KIR3DL2: variants seen among roughly 807,000 people sequenced by gnomAD.
KIR3DL2 encodes the protein killer cell immunoglobulin like receptor, three Ig domains and long cytoplasmic tail 2.
Under a neutral mutation model 41.6 loss-of-function variants are expected in KIR3DL2, and 42 were observed. That is an observed-to-expected ratio of 1.01 (90% CI 0.79 to 1.31). The LOEUF (loss-of-function observed/expected upper bound fraction) is 1.31. Among genes scored for constraint, KIR3DL2 ranks in the 50% most tolerant of loss-of-function variants. The probability of loss-of-function intolerance (pLI) is 0.00; values close to 1 mark genes in which losing one functional copy is unlikely to be tolerated. For synonymous variants in KIR3DL2, 230 were observed against 221.3 expected (o/e 1.04, Z -0.35); for missense variants, 728 against 576.8 (o/e 1.26, Z -2.68).
At chr19:54,858,831 G>C (rs1307713028) in intron 5 of KIR3DL2, among the ~76,000 whole-genome samples, 18 of 152,014 alleles carry the variant, frequency 1.2e-4, no homozygotes, top group Non-Finnish European at 1.5e-4. Flanking sequence ...ATGTCATGCT[G>C]TTTTGCTTAC....
chr19:54,859,692 A>G (rs2065036843), intron 6 of KIR3DL2, among the ~76,000 whole-genome samples: 1 of 151,730 alleles, frequency 6.6e-6, no homozygotes, highest in South Asian at 2.1e-4. Flanking sequence ...AAATTTCCAC[A>G]AGATTCGTGT....
intron 6 of KIR3DL2, among the ~76,000 whole-genome samples, chr19:54,861,603 C>T (rs1209967913): frequency 1.3e-5 from 2 of 149,308 alleles, no homozygotes; most frequent in East Asian, 2.0e-4. Context: ...GAGTGGAGAT[C>T]GCATCACTGC....
rs367723601 is a variant in KIR3DL2 at position 54,856,554 on chromosome 19, T to G, written c.949+642T>G. 4.6e-5 allele frequency among the ~76,000 whole-genome samples: 7 copies of G among 151,986 alleles called. No individual in the cohort carries two copies. The East Asian group carries it at 1.2e-3, about 25-fold the overall frequency. ...GAAAAATTAGCCAAGCATGCCGGCA[T>G]GCACCTGTAGTCCTAGCTACTTGGG... On this transcript the variant is annotated intron_variant, in intron 5 of 8. Coordinates refer to ENST00000326321, the MANE Select transcript of KIR3DL2 (RefSeq NM_006737.4).
In KIR3DL2 at chr19:54,859,834, C is replaced by T. The variant is rs1448613950; in HGVS notation, c.1000+705C>T. ...GAGGGTTCCAGGCAAGAATCTGCTT[C>T]TCACTTTTCTCAGCTTCTAGAGGCT... On this transcript the variant is annotated intron_variant, in intron 6 of 8. Transcript: ENST00000326321. 1.4e-4 allele frequency among the ~76,000 whole-genome samples: 22 copies of T among 152,190 alleles called. No individual in the cohort carries two copies. In the East Asian group the frequency reaches 4.0e-3, roughly 28 times the overall value.
Position 54,864,833 on chromosome 19 carries a change from A to T in KIR3DL2, c.1001-972A>T, listed in dbSNP as rs200592390. On this transcript the variant is annotated intron_variant, in intron 6 of 8. Coordinates refer to ENST00000326321, the MANE Select transcript of KIR3DL2 (RefSeq NM_006737.4). ...GACAATTTGACTTCCTCTTTTCCTA[A>T]TTGAATACCCTTTATTTCCTTCTCC... Among the ~76,000 whole-genome samples the T allele has an allele frequency of 9.0e-4, 136 of 151,766 alleles. 1 individual carries two copies. In the East Asian group the frequency reaches 0.025, roughly 28 times the overall value.
At chr19:54,861,323 G>C (rs1343858837) in intron 6 of KIR3DL2, among the ~76,000 whole-genome samples, 43 of 152,046 alleles carry the variant, frequency 2.8e-4, no homozygotes, top group African/African-American at 9.9e-4. Context: ...GCTAGATGAG[G>C]GGTGGTGCAA....
At chr19:54,854,085 C>G in intron 4 of KIR3DL2, 39 bp downstream of exon 4, 5 of 1,591,102 alleles carry the variant, frequency 3.1e-6, no homozygotes, top group Non-Finnish European at 4.3e-6. Flanking sequence ...GTCATTGGGA[C>G]ACAGAGTGAA....
intron 5 of KIR3DL2, among the ~76,000 whole-genome samples, chr19:54,857,758 G>A (rs1355163550): frequency 2.0e-5 from 3 of 151,616 alleles, no homozygotes; most frequent in African/African-American, 7.3e-5. Flanking sequence ...CTCCATGTTG[G>A]TCAGGCTGGT....
At chr19:54,857,809 G>C (rs1221601199) in intron 5 of KIR3DL2, among the ~76,000 whole-genome samples, 4 of 151,840 alleles carry the variant, frequency 2.6e-5, no homozygotes, top group Admixed American at 1.3e-4. Context: ...GCCTCCCAAA[G>C]TGCTGGAATT....
chr19:54,854,797 A>G (rs1477157975), intron 4 of KIR3DL2, among the ~76,000 whole-genome samples: 4 of 151,800 alleles, frequency 2.6e-5, no homozygotes, highest in African/African-American at 9.7e-5. Flanking sequence ...GGAAGGGAGG[A>G]GAGAAAAGCC....
intron 1 of KIR3DL2, 128 bp from the exon 2 acceptor site, chr19:54,851,092 T>C (rs1369510272): frequency 1.7e-6 from 2 of 1,172,818 alleles, no homozygotes; most frequent in East Asian, 2.4e-5. Flanking sequence ...TGGCAGCAGG[T>C]AGCAGGGAGG....
chr19:54,855,833 C>G lies in KIR3DL2; in HGVS notation c.870C>G (p.Thr290=). 6.2e-7 allele frequency: 1 copy of G among 1,613,570 alleles called. No individual in the cohort carries two copies. Among genetic ancestry groups the G allele is most frequent in the Non-Finnish European group, 8.5e-7 (1 of 1,179,950 alleles). The change falls in exon 5 of 9, where the codon ACC becomes ACG. Residue 290 remains threonine, a synonymous_variant. Transcript: ENST00000326321. ...TGGGCCCTGCCACCCACGGAGGGAC[C>G]TACAGATGCTTCGGCTCTTTCCGTG... ...FPLGPATHGG[T]YRCFGSFRAL...
At chr19:54,851,333 G>C (rs780683096) in intron 2 of KIR3DL2, 78 bp downstream of exon 2, 2 of 1,491,154 alleles carry the variant, frequency 1.3e-6, no homozygotes, top group Non-Finnish European at 1.8e-6. Context: ...AAGTCCTGTC[G>C]GGGAGTCTCT....
At position 54,866,774 on chromosome 19, in the gene KIR3DL2, T is replaced by C. The variant is rs375570365; in HGVS notation, c.*43T>C. 3.4e-5 allele frequency: 54 copies of C among 1,595,736 alleles called. No homozygotes were observed. The highest frequency in any genetic ancestry group is 4.0e-5 in the African/African-American group (3 of 74,190). ...CTCAAAACCAGGTTGCCAGATCCAA[T>C]GAACCAGCAGCTGGAATCTGAAGGC... is the stretch of plus-strand genomic sequence containing the variant. On this transcript the variant is annotated 3_prime_UTR_variant, in exon 9 of 9. Transcript: ENST00000326321.
At chr19:54,861,221 AT>A (rs59734064) in intron 6 of KIR3DL2, among the ~76,000 whole-genome samples, 16 of 147,940 alleles carry the variant, frequency 1.1e-4, no homozygotes, top group African/African-American at 2.2e-4. Flanking sequence ...GCTGGGTTTA[AT>A]TTTTCCTGGT....
intron 3 of KIR3DL2, among the ~76,000 whole-genome samples, chr19:54,853,075 A>C (rs2064424760): frequency 6.6e-6 from 1 of 151,210 alleles, no homozygotes; most frequent in South Asian, 2.1e-4. Context: ...ACACCACTGC[A>C]CTCCAGCCTG....
chr19:54,866,575 C>T lies in KIR3DL2; in HGVS notation c.1212C>T (p.Cys404=), dbSNP rs147166894. Residue 404 remains cysteine (C), a synonymous_variant, in exon 9 of 9, where the codon TGC becomes TGT. Coordinates refer to ENST00000326321, the MANE Select transcript of KIR3DL2 (RefSeq NM_006737.4). The part of the protein sequence containing the change: ...QEVTYAQLDH[C]VFIQRKISRP... ...TGACGTACGCACAGTTGGATCACTGCGTTTTCATACAGAGAAAAATCAGTC... is the reference window on the plus strand; with the variant it reads ...TGACGTACGCACAGTTGGATCACTGTGTTTTCATACAGAGAAAAATCAGTC... 1.2e-4 allele frequency: 194 copies of T among 1,613,868 alleles called. No individual in the cohort carries two copies. Among genetic ancestry groups the T allele is most frequent in the Non-Finnish European group, 1.5e-4 (179 of 1,179,988 alleles).
chr19:54,856,785 AC>A (rs2064815772), intron 5 of KIR3DL2, among the ~76,000 whole-genome samples: 3 of 151,682 alleles, frequency 2.0e-5, no homozygotes, highest in African/African-American at 4.9e-5. Flanking sequence ...CATGAGATCC[AC>A]CTTTTATCTC....
chr19:54,851,384 AT>A, intron 2 of KIR3DL2, 129 bp downstream of exon 2: 1 of 987,596 alleles, frequency 1.0e-6, no homozygotes, highest in Non-Finnish European at 1.5e-6. Context: ...CTCGGCCCAC[AT>A]TTCTGACCTC....
Sources: allele counts gnomAD v4.1 joint callset (sites outside exome capture counted in the v4.1 genomes callset), GRCh38; gene constraint gnomAD v4.1.1; transcripts MANE v1.5; gene names NCBI Gene and HGNC (gene_info 2026-07-23, HGNC 2026-07-21).